HROB: variants seen among roughly 807,000 people sequenced by gnomAD.
HROB encodes the protein homologous recombination OB-fold protein.
A neutral mutation model predicts 61.0 loss-of-function variants in HROB; 44 were observed. The ratio of observed to expected loss-of-function variants is 0.72; its 90% CI spans 0.57 to 0.93. The LOEUF is 0.93. Among genes scored for constraint, HROB ranks in the 40% least tolerant of loss-of-function variants. The pLI is 0.00. For missense variants in HROB, 716 were observed against 796.2 expected, an observed-to-expected ratio of 0.90 and a Z score of 1.21; for synonymous variants, 301 against 310.4, an observed-to-expected ratio of 0.97 and a Z score of 0.32.
chr17:44,158,618 G>GC (rs1160060156), intron 9 of HROB, among the ~76,000 whole-genome samples: 8 of 151,856 alleles, frequency 5.3e-5, no homozygotes, highest in African/African-American at 1.9e-4. Context: ...GAGTAGCTGG[G>GC]ACTATAGGTA....
chr17:44,151,105 G>A (rs1314545157), intron 4 of HROB, 61 bp downstream of exon 4: 20 of 1,481,500 alleles, frequency 1.3e-5, no homozygotes, highest in Non-Finnish European at 1.9e-5. Flanking sequence ...GTCCCTGTGT[G>A]TTTCAGGAGT....
At chr17:44,155,481 T>C in intron 8 of HROB, 70 bp downstream of exon 8, 1 of 1,587,918 alleles carries the variant, frequency 6.3e-7, no homozygotes, top group African/African-American at 1.3e-5. Context: ...GATTTCTTCC[T>C]CTCTTCCACC....
chr17:44,147,737 T>G, intron 2 of HROB, 121 bp from the exon 3 acceptor site: 1 of 1,025,062 alleles, frequency 9.8e-7, no homozygotes. Flanking sequence ...TGCCCGACCC[T>G]CATGCTTTGG....
Position 44,152,618 on chromosome 17 carries a change from C to T in HROB, c.1309-19C>T, listed in dbSNP as rs772221398. 8 of 1,613,064 alleles carry T rather than the reference C, an allele frequency of 5.0e-6. No homozygotes were observed. The highest frequency in any genetic ancestry group is 6.8e-6 in the Non-Finnish European group (8 of 1,179,400). On this transcript the variant is annotated intron_variant, in intron 4 of 9. Coordinates refer to ENST00000585683, the MANE Select transcript of HROB (RefSeq NM_001171251.3). ...GTAGACCTATTCATACAGGCTCCCC[C>T]TCTGCTCTGTGGTACCAGATTGTTG...
At chr17:44,157,769 A>G (rs1598108261) in intron 8 of HROB, 64 bp from the exon 9 acceptor site, 1 of 1,247,008 alleles carries the variant, frequency 8.0e-7, no homozygotes, top group East Asian at 2.4e-5. Context: ...GTCTGGGTAG[A>G]GGTGGTGCCA....
rs373475688 is a variant in HROB at position 44,161,944 on chromosome 17, C to T, written c.*12C>T. 87 of 1,613,102 alleles carry T rather than the reference C, an allele frequency of 5.4e-5. No individual in the cohort carries two copies. The highest frequency in any genetic ancestry group is 6.6e-5 in the Non-Finnish European group (78 of 1,179,216). On this transcript the variant is annotated 3_prime_UTR_variant, in exon 10 of 10. Transcript: ENST00000585683. ...GGACCAGTAGTTGAGACTGCCCCAA[C>T]GCAGGACAACCCACCATGAGCAGGC...
intron 4 of HROB, among the ~76,000 whole-genome samples, 169 bp from the exon 5 acceptor site, chr17:44,152,468 C>A (rs2053843623): frequency 6.6e-6 from 1 of 151,818 alleles, no homozygotes; most frequent in Non-Finnish European, 1.5e-5. Context: ...ATGTCACATA[C>A]CATTTTCTGG....
intron 1 of HROB, 89 bp downstream of exon 1, chr17:44,142,234 C>T: frequency 7.3e-7 from 1 of 1,371,922 alleles, no homozygotes; most frequent in Non-Finnish European, 9.4e-7. Context: ...CTCGCCCGCG[C>T]AAGTTGCAGG....
intron 9 of HROB, among the ~76,000 whole-genome samples, chr17:44,161,654 C>G (rs965545414): frequency 1.3e-5 from 2 of 152,128 alleles, no homozygotes; most frequent in African/African-American, 4.8e-5. Context: ...GGGATTACGC[C>G]CCCGCCTTTT....
At chr17:44,146,486 C>A (rs2143863990) in intron 2 of HROB, among the ~76,000 whole-genome samples, 1 of 152,266 alleles carries the variant, frequency 6.6e-6, no homozygotes, top group Non-Finnish European at 1.5e-5. Flanking sequence ...TTGGGTCTTA[C>A]AAGGTGATGA....
chr17:44,155,570 T>G (rs2285954), intron 8 of HROB, among the ~76,000 whole-genome samples, 159 bp downstream of exon 8: 5,745 of 152,238 alleles, frequency 0.038, 137 homozygotes, highest in East Asian at 0.068. Flanking sequence ...CTCCTATCCC[T>G]CATCCAGCCG....
At chr17:44,160,792 A>G (rs567282602) in intron 9 of HROB, among the ~76,000 whole-genome samples, 21 of 152,226 alleles carry the variant, frequency 1.4e-4, no homozygotes, top group African/African-American at 4.6e-4. Context: ...GTGAAAAAGC[A>G]TATGTCTCTT....
In HROB at chr17:44,152,853, C is replaced by T. The variant is rs186432877; in HGVS notation, c.1449+76C>T. ...TCTCTGACCTACTGCCCTACTCCAC[C>T]TTAGGAAGGGGCTGTTTGCTCCCTC... On this transcript the variant is annotated intron_variant, in intron 5 of 9. Coordinates refer to ENST00000585683, the MANE Select transcript of HROB (RefSeq NM_001171251.3). 6.6e-4 allele frequency: 1,013 copies of T among 1,544,086 alleles called. 1 individual carries two copies. Among genetic ancestry groups the T allele is most frequent in the Non-Finnish European group, 3.2e-4 (361 of 1,137,914 alleles).
chr17:44,154,949 C>T lies in HROB; in HGVS notation c.1644+11C>T. The T allele has an allele frequency of 6.2e-7, 1 of 1,611,512 alleles. No individual in the cohort carries two copies. The highest frequency in any genetic ancestry group is 8.5e-7 in the Non-Finnish European group (1 of 1,179,074). ...CTGCTGCTGAAGCAGGTATGGGGAG[C>T]AGCTCTCCACACCACTGCCCCCCGG... On this transcript the variant is annotated intron_variant, in intron 7 of 9. Coordinates refer to ENST00000585683, the MANE Select transcript of HROB (RefSeq NM_001171251.3).
intron 1 of HROB, among the ~76,000 whole-genome samples, chr17:44,144,745 T>C (rs1258764582): frequency 6.9e-6 from 1 of 144,996 alleles, no homozygotes; most frequent in Non-Finnish European, 1.5e-5. Flanking sequence ...TTGGGTCTTT[T>C]TTTTTTTTTT....
At chr17:44,146,974 T>A (rs1598086814) in intron 2 of HROB, among the ~76,000 whole-genome samples, 1 of 152,070 alleles carries the variant, frequency 6.6e-6, no homozygotes, top group African/African-American at 2.4e-5. Context: ...ACTTCTGCCT[T>A]TTTTGCTGGC....
In HROB at chr17:44,161,928, G is replaced by A. The variant is rs201987802; in HGVS notation, c.1937G>A (p.Ser646Asn). Reference sequence around the variant, plus strand: ...GAAGACTTCTTCTGTGGGACCAGTAGTTGAGACTGCCCCAACGCAGGACAA... The same window carrying A: ...GAAGACTTCTTCTGTGGGACCAGTAATTGAGACTGCCCCAACGCAGGACAA... ...LPEDFFCGTSS is the reference protein window; with the variant it reads ...LPEDFFCGTSN Residue 646 changes from serine to asparagine, a missense_variant, in exon 10 of 10, where the codon AGT becomes AAT. Ser to Asn is a conservative substitution (Grantham distance 46, BLOSUM62 1). Transcript: ENST00000585683. 6 of 1,614,000 alleles carry A rather than the reference G, an allele frequency of 3.7e-6. No individual in the cohort carries two copies. The highest frequency in any genetic ancestry group is 5.1e-6 in the Non-Finnish European group (6 of 1,179,950).
chr17:44,158,936 C>T (rs973235366), intron 9 of HROB, among the ~76,000 whole-genome samples: 4 of 152,162 alleles, frequency 2.6e-5, no homozygotes, highest in African/African-American at 4.8e-5. Flanking sequence ...CGTGAGCCAC[C>T]GCGCCCGGCC....
rs1473709963 is a variant in HROB at position 44,143,033 on chromosome 17, T to C, written c.3+888T>C. On this transcript the variant is annotated intron_variant, in intron 1 of 9. Transcript: ENST00000585683. ...CTCACTGCAACCTCCACTTCCCAGGTTCAAGCAATTCTCCTGCCTTAGACT... is the reference window on the plus strand; with the variant it reads ...CTCACTGCAACCTCCACTTCCCAGGCTCAAGCAATTCTCCTGCCTTAGACT... 3.3e-5 allele frequency among the ~76,000 whole-genome samples: 5 copies of C among 152,066 alleles called. No homozygotes were observed. The East Asian group carries it at 9.7e-4, about 29-fold the overall frequency.
Sources: gnomAD v4.1 joint callset for allele counts (sites outside exome capture counted in the v4.1 genomes callset) on GRCh38, gnomAD v4.1.1 for gene constraint, MANE v1.5 for transcripts, NCBI Gene and HGNC (gene_info 2026-07-23, HGNC 2026-07-21) for gene names.